CHST9: variants seen among roughly 807,000 people sequenced by gnomAD.
The protein encoded by CHST9 is GalNAc-4-sulfotransferase 2.
CHST9 carries 41 observed loss-of-function variants against 44.4 expected under a neutral mutation model. The ratio of observed to expected loss-of-function variants is 0.92; its 90% CI spans 0.72 to 1.20. The LOEUF (loss-of-function observed/expected upper bound fraction) is 1.20, where lower values mean the gene tolerates loss of function less well. Among genes scored for constraint, CHST9 ranks in the 50% most tolerant of loss-of-function variants. CHST9 has a pLI of 0.00. For missense variants in CHST9, 504 were observed against 516.5 expected (o/e 0.98, Z 0.23); for synonymous variants, 171 against 178.4 (o/e 0.96, Z 0.33).
chr18:27,157,418 A>G (rs903614771), intron 1 of CHST9, among the ~76,000 whole-genome samples: 3 of 152,162 alleles, frequency 2.0e-5, no homozygotes, highest in Non-Finnish European at 2.9e-5. Flanking sequence ...AAGCAATCAC[A>G]TGCAAATATT....
At chr18:27,126,808 G>A (rs140245598) in intron 2 of CHST9, among the ~76,000 whole-genome samples, 1 of 152,266 alleles carries the variant, frequency 6.6e-6, no homozygotes, top group East Asian at 1.9e-4. Flanking sequence ...AAGGTCACGG[G>A]ATGGGGAGGA....
intron 4 of CHST9, among the ~76,000 whole-genome samples, chr18:26,980,612 A>T (rs2056680340): frequency 6.6e-6 from 1 of 152,162 alleles, no homozygotes; most frequent in African/African-American, 2.4e-5. Flanking sequence ...TTTATATGTC[A>T]GGTTTCCTTC....
At chr18:26,972,631 G>A (rs944683634) in intron 4 of CHST9, among the ~76,000 whole-genome samples, 4 of 152,142 alleles carry the variant, frequency 2.6e-5, no homozygotes, top group East Asian at 1.9e-4. Flanking sequence ...ACAAGGAGCC[G>A]TGTCAGAATT....
At chr18:27,104,283 T>G (rs1329755078) in intron 2 of CHST9, among the ~76,000 whole-genome samples, 4 of 152,190 alleles carry the variant, frequency 2.6e-5, no homozygotes, top group Non-Finnish European at 4.4e-5. Flanking sequence ...TTGTGATTTT[T>G]CACAGTGTCT....
At chr18:27,061,825 A>T (rs2057725113) in intron 2 of CHST9, among the ~76,000 whole-genome samples, 1 of 152,144 alleles carries the variant, frequency 6.6e-6, no homozygotes, top group African/African-American at 2.4e-5. Flanking sequence ...CAAGCAGGTC[A>T]TCTAGAGGCA....
At chr18:26,937,878 T>A (rs572247464) in intron 5 of CHST9, among the ~76,000 whole-genome samples, 1 of 152,298 alleles carries the variant, frequency 6.6e-6, no homozygotes, top group South Asian at 2.1e-4. Context: ...AATTACTAAA[T>A]CTGATTTCAA....
At chr18:27,033,422 G>A (rs1259460967) in intron 3 of CHST9, among the ~76,000 whole-genome samples, 1 of 152,136 alleles carries the variant, frequency 6.6e-6, no homozygotes, top group Non-Finnish European at 1.5e-5. Flanking sequence ...CCTGCTCTGT[G>A]GTTGCAGGTT....
At chr18:27,051,071 T>G (rs1192515096) in intron 2 of CHST9, among the ~76,000 whole-genome samples, 1 of 152,118 alleles carries the variant, frequency 6.6e-6, no homozygotes, top group Non-Finnish European at 1.5e-5. Flanking sequence ...TAATCAAGGA[T>G]TTTGTGGGAA....
chr18:27,033,130 G>T (rs1193545387), intron 3 of CHST9, among the ~76,000 whole-genome samples: 1 of 152,188 alleles, frequency 6.6e-6, no homozygotes, highest in African/African-American at 2.4e-5. Flanking sequence ...CCCAGACACA[G>T]ACCTTGTATT....
chr18:26,975,231 G>A (rs181370834), intron 4 of CHST9, among the ~76,000 whole-genome samples: 1 of 152,134 alleles, frequency 6.6e-6, no homozygotes, highest in Non-Finnish European at 1.5e-5. Context: ...AGGGTGGGGG[G>A]AAGAGACATA....
chr18:27,078,842 T>C (rs2057933541), intron 2 of CHST9, among the ~76,000 whole-genome samples: 1 of 152,200 alleles, frequency 6.6e-6, no homozygotes, highest in African/African-American at 2.4e-5. Flanking sequence ...CTTTTGACCA[T>C]CAAAGTGCCA....
intron 2 of CHST9, among the ~76,000 whole-genome samples, chr18:27,101,452 G>A (rs1181406224): frequency 1.3e-5 from 2 of 150,060 alleles, no homozygotes; most frequent in Non-Finnish European, 3.0e-5. Context: ...AATTAGCCGG[G>A]TGCGGTGGCG....
intron 4 of CHST9, among the ~76,000 whole-genome samples, chr18:27,012,300 A>T (rs2145247989): frequency 6.6e-6 from 1 of 152,348 alleles, no homozygotes; most frequent in African/African-American, 2.4e-5. Context: ...CTGATAATGT[A>T]GTCGATTAAC....
chr18:27,047,655 T>C (rs537653111), intron 3 of CHST9, among the ~76,000 whole-genome samples: 9 of 128,378 alleles, frequency 7.0e-5, no homozygotes, highest in Non-Finnish European at 1.3e-4. Flanking sequence ...AGACAGGAAA[T>C]GAAGCTAAAA....
At chr18:27,181,047 G>A (rs1598785088) in intron 1 of CHST9, among the ~76,000 whole-genome samples, 1 of 152,152 alleles carries the variant, frequency 6.6e-6, no homozygotes, top group Non-Finnish European at 1.5e-5. Flanking sequence ...ATTCTGAAGG[G>A]TACATCTACT....
Position 27,014,453 on chromosome 18 carries a change from CAAAAAAAAAAAAAAAAAAAAAA to C in CHST9, c.202+9641_202+9662del, listed in dbSNP as rs57437876. The stretch of plus-strand genomic sequence containing the variant: ...TGGGCGACAGAGCGAGACTCTGTCT[CAAAAAAAAAAAAAAAAAAAAAA>C]AAAAAAAAAAAAAAAAAAGAATTAC... On this transcript the variant is annotated intron_variant, in intron 4 of 5. Coordinates refer to ENST00000618847, the MANE Select transcript of CHST9 (RefSeq NM_031422.6). Among the ~76,000 whole-genome samples the C allele has an allele frequency of 2.3e-4, 9 of 39,440 alleles. 1 individual carries two copies. The highest frequency in any genetic ancestry group is 2.0e-3 in the South Asian group (1 of 492). The allele number at this position is 39,440 out of a possible 152,430, so 25.9% of individuals were successfully genotyped here. A position where few individuals can be genotyped will look rare whatever the true frequency, so the allele number is the denominator to read the frequency against.
At chr18:27,142,151 A>G (rs970538117) in intron 2 of CHST9, among the ~76,000 whole-genome samples, 4 of 152,164 alleles carry the variant, frequency 2.6e-5, no homozygotes, top group African/African-American at 7.2e-5. Context: ...GCTTCTTGAT[A>G]TATTAGCAGA....
intron 2 of CHST9, among the ~76,000 whole-genome samples, chr18:27,082,318 T>C (rs2057968845): frequency 6.6e-6 from 1 of 152,248 alleles, no homozygotes; most frequent in African/African-American, 2.4e-5. Flanking sequence ...GTTTTCCTAC[T>C]ATCAGATAAT....
intron 4 of CHST9, among the ~76,000 whole-genome samples, chr18:27,011,913 T>A (rs1343873430): frequency 6.6e-6 from 1 of 152,314 alleles, no homozygotes; most frequent in East Asian, 1.9e-4. Flanking sequence ...GAAGTTTAGA[T>A]TGCTTGCCTT....
Sources: allele counts gnomAD v4.1 joint callset (sites outside exome capture counted in the v4.1 genomes callset), GRCh38; gene constraint gnomAD v4.1.1; transcripts MANE v1.5; gene names NCBI Gene and HGNC (gene_info 2026-07-23, HGNC 2026-07-21).